Variants in DMXL1 observed in about 807,000 individuals in gnomAD.
DMXL1 encodes Dmx like 1.
Under a neutral mutation model 319.2 loss-of-function variants are expected in DMXL1, and 99 were observed. The ratio of observed to expected loss-of-function variants is 0.31; its 90% CI spans 0.26 to 0.37. The LOEUF is 0.37. Among genes scored for constraint, DMXL1 ranks in the 10% least tolerant of loss-of-function variants. DMXL1 has a pLI of 1.00. For missense variants in DMXL1, 3,745 were observed against 3,595.6 expected (o/e 1.04, Z -1.06); for synonymous variants, 1,385 against 1,235.2 (o/e 1.12, Z -2.54).
In DMXL1 at chr5:119,170,726, G is replaced by A; in HGVS notation, c.5935G>A (p.Val1979Ile). ...TGATAATGATGAAGAAAATGAGGAT[G>A]TCCCTATTTCAATGAAAGAACTAAA... ...DSDNDEENED[V>I]PISMKELKPL... Residue 1979 changes from valine (V) to isoleucine (I), a missense_variant, in exon 24 of 44, where the codon GTC becomes ATC. Physicochemically the swap from Val to Ile is conservative, Grantham distance 29. Around this residue, in one of 4 missense-constraint regions of DMXL1, gnomAD observed 1,382 missense variants for 1,269.5 expected, o/e 1.09. Coordinates refer to ENST00000539542, the MANE Select transcript of DMXL1 (RefSeq NM_001290321.3). 6.2e-7 allele frequency: 1 copy of A among 1,612,734 alleles called. No homozygotes were observed. Among genetic ancestry groups the A allele is most frequent in the Non-Finnish European group, 8.5e-7 (1 of 1,179,690 alleles).
chr5:119,239,485 T>C (rs1235499064), intron 41 of DMXL1, among the ~76,000 whole-genome samples: 1 of 152,212 alleles, frequency 6.6e-6, no homozygotes, highest in Non-Finnish European at 1.5e-5. Context: ...CAAGTTTTCT[T>C]TGTGCTTAAG....
chr5:119,214,532 C>T (rs1783348208), intron 34 of DMXL1, among the ~76,000 whole-genome samples: 1 of 152,166 alleles, frequency 6.6e-6, no homozygotes, highest in African/African-American at 2.4e-5. Flanking sequence ...AGAACTGAAC[C>T]TCTACCTTTA....
chr5:119,090,947 C>G (rs1033086632), intron 1 of DMXL1, among the ~76,000 whole-genome samples: 2 of 151,870 alleles, frequency 1.3e-5, no homozygotes, highest in Non-Finnish European at 2.9e-5. Context: ...TGGAGAGCCT[C>G]TAATGAATTT....
At position 119,118,922 on chromosome 5, in the gene DMXL1, G is replaced by A. The variant is rs1761433220; in HGVS notation, c.851G>A (p.Ser284Asn). Residue 284 changes from serine to asparagine, a missense_variant, in exon 8 of 44, where the codon AGC (serine) becomes AAC (asparagine). Transcript: ENST00000539542. Reference sequence around the variant, plus strand: ...TGTTTGCTATACGGAGGTGACTGCAGCCATTGGACTGAATCAATTAATTTA... The same window carrying A: ...TGTTTGCTATACGGAGGTGACTGCAACCATTGGACTGAATCAATTAATTTA... ...NDCLLYGGDC[S>N]HWTESINLTN... is the part of the protein sequence containing the mutation. 1.2e-6 allele frequency: 2 copies of A among 1,613,746 alleles called. No homozygotes were observed. Among genetic ancestry groups the A allele is most frequent in the East Asian group, 2.2e-5 (1 of 44,860 alleles).
At chr5:119,131,982 A>G (rs996454694) in intron 10 of DMXL1, among the ~76,000 whole-genome samples, 6 of 152,238 alleles carry the variant, frequency 3.9e-5, no homozygotes, top group African/African-American at 9.6e-5. Flanking sequence ...AGAAAAATAT[A>G]TACTTCTTCA....
At chr5:119,101,701 A>G (rs946302849) in intron 2 of DMXL1, among the ~76,000 whole-genome samples, 4 of 152,218 alleles carry the variant, frequency 2.6e-5, no homozygotes, top group Non-Finnish European at 5.9e-5. Flanking sequence ...CATATTATGA[A>G]CACTGTAATG....
chr5:119,175,111 G>A (rs1775543889), intron 25 of DMXL1, 150 bp from the exon 26 acceptor site: 3 of 515,960 alleles, frequency 5.8e-6, no homozygotes. Flanking sequence ...AGATAAAAAT[G>A]AGTGTTGTAG....
chr5:119,192,896 T>C (rs1016864854), intron 29 of DMXL1, among the ~76,000 whole-genome samples: 1 of 152,174 alleles, frequency 6.6e-6, no homozygotes, highest in African/African-American at 2.4e-5. Flanking sequence ...TTCACCCTTA[T>C]AGTTGCTCAG....
intron 1 of DMXL1, among the ~76,000 whole-genome samples, chr5:119,088,108 G>A: frequency 6.6e-6 from 1 of 152,056 alleles, no homozygotes; most frequent in African/African-American, 2.4e-5. Context: ...AGCAGTGTTT[G>A]CTTTATATGC....
intron 28 of DMXL1, among the ~76,000 whole-genome samples, chr5:119,179,127 G>T (rs188009745): frequency 1.4e-4 from 21 of 152,022 alleles, no homozygotes; most frequent in African/African-American, 5.1e-4. Context: ...TTGTATCCCC[G>T]TTTAAAAACT....
chr5:119,187,389 A>G (rs1210170430), intron 28 of DMXL1, among the ~76,000 whole-genome samples: 1 of 152,200 alleles, frequency 6.6e-6, no homozygotes, highest in Non-Finnish European at 1.5e-5. Flanking sequence ...CAACCAGTTG[A>G]ACACCCAGCA....
At chr5:119,135,902 GGCACT>G (rs779268053) in intron 13 of DMXL1, among the ~76,000 whole-genome samples, 1 of 152,154 alleles carries the variant, frequency 6.6e-6, no homozygotes, top group Non-Finnish European at 1.5e-5. Context: ...CCAGGAGTGG[GGCACT>G]GCTATAAGGA....
intron 25 of DMXL1, 42 bp from the exon 26 acceptor site, chr5:119,175,219 T>G: frequency 1.3e-6 from 2 of 1,516,722 alleles, no homozygotes; most frequent in South Asian, 2.4e-5. Context: ...ATCTGCACTT[T>G]AAAAAGGTTA....
chr5:119,072,604 C>T (rs2149645503), intron 1 of DMXL1, among the ~76,000 whole-genome samples: 1 of 152,076 alleles, frequency 6.6e-6, no homozygotes, highest in East Asian at 1.9e-4. Flanking sequence ...AACCAATGCC[C>T]CAGGTTTAGG....
At chr5:119,137,630 G>T (rs932318004) in intron 13 of DMXL1, among the ~76,000 whole-genome samples, 1 of 152,192 alleles carries the variant, frequency 6.6e-6, no homozygotes, top group African/African-American at 2.4e-5. Flanking sequence ...GCATTATAGT[G>T]AGCAAGTTCT....
chr5:119,190,208 A>C (rs1778464875), intron 29 of DMXL1, among the ~76,000 whole-genome samples: 1 of 152,196 alleles, frequency 6.6e-6, no homozygotes. Context: ...TAAGGAATCA[A>C]AGTGCTCTGG....
chr5:119,112,684 C>T (rs553622560), intron 5 of DMXL1, among the ~76,000 whole-genome samples: 3 of 152,208 alleles, frequency 2.0e-5, no homozygotes, highest in East Asian at 1.9e-4. Context: ...AGGCTGGGCT[C>T]GGTGGCTCAC....
chr5:119,204,641 G>A (rs532593902), intron 33 of DMXL1, among the ~76,000 whole-genome samples: 1 of 151,856 alleles, frequency 6.6e-6, no homozygotes, highest in African/African-American at 2.4e-5. Context: ...CTTTCATTGG[G>A]TAAGTTTTGT....
chr5:119,209,453 A>C (rs1782356541), intron 34 of DMXL1, among the ~76,000 whole-genome samples: 1 of 151,202 alleles, frequency 6.6e-6, no homozygotes. Flanking sequence ...GGGCTCAAGC[A>C]GTTCTCTTGC....
Sources: allele counts gnomAD v4.1 joint callset (sites outside exome capture counted in the v4.1 genomes callset), GRCh38; gene constraint gnomAD v4.1.1; regional missense constraint gnomAD v4.1.1; transcripts MANE v1.5; gene names NCBI Gene and HGNC (gene_info 2026-07-23, HGNC 2026-07-21).